Variants in LDB2 observed in about 807,000 individuals in gnomAD.
LDB2 encodes the protein LIM domain-binding protein 2.
LDB2 carries 12 observed loss-of-function variants against 44.3 expected under a neutral mutation model. That is an observed-to-expected ratio of 0.27 (90% CI 0.17 to 0.44). The LOEUF (loss-of-function observed/expected upper bound fraction) is 0.44. LDB2 is among the 20% of genes least tolerant of loss of function. The probability of loss-of-function intolerance (pLI) is 1.00; values close to 1 mark genes in which losing one functional copy is unlikely to be tolerated. For missense variants in LDB2, 344 were observed against 473.5 expected (o/e 0.73, Z 2.54); for synonymous variants, 164 against 174.8 (o/e 0.94, Z 0.49).
intron 1 of LDB2, among the ~76,000 whole-genome samples, chr4:16,885,906 G>T (rs772972082): frequency 1.3e-5 from 2 of 152,096 alleles, no homozygotes; most frequent in Non-Finnish European, 2.9e-5. Context: ...ATCTTCTACC[G>T]CAATGGGAGA....
At position 16,547,022 on chromosome 4, in the gene LDB2, T is replaced by C. The variant is rs573766549; in HGVS notation, c.616-34918A>G. Among the ~76,000 whole-genome samples the C allele has an allele frequency of 1.3e-4, 20 of 152,346 alleles. 1 individual carries two copies. In the South Asian group the frequency reaches 3.3e-3, roughly 25 times the overall value. On this transcript the variant is annotated intron_variant, in intron 5 of 7. Transcript: ENST00000304523. ...ACCCAAGTCCTAACTCTGGAAACTG[T>C]GAGTGAACACTATTTGAAAATAAGG... is the stretch of plus-strand genomic sequence containing the variant.
chr4:16,629,602 A>T (rs1324184896), intron 2 of LDB2, among the ~76,000 whole-genome samples: 1 of 152,074 alleles, frequency 6.6e-6, no homozygotes, highest in Admixed American at 6.6e-5. Context: ...ACAAAAACAG[A>T]AGTAGGCTTC....
At chr4:16,504,124 G>A (rs1453262091) in intron 7 of LDB2, among the ~76,000 whole-genome samples, 5 of 152,148 alleles carry the variant, frequency 3.3e-5, no homozygotes, top group African/African-American at 1.2e-4. Context: ...AGAGGGTGGG[G>A]TTTCCAGTAG....
At chr4:16,679,120 A>C (rs562150389) in intron 2 of LDB2, among the ~76,000 whole-genome samples, 12 of 152,334 alleles carry the variant, frequency 7.9e-5, no homozygotes, top group South Asian at 6.2e-4. Flanking sequence ...AAACGGTGCA[A>C]ATGTAATCTT....
Position 16,738,717 on chromosome 4 carries a change from G to T in LDB2, c.235+20441C>A, listed in dbSNP as rs546948664. 7.9e-5 allele frequency among the ~76,000 whole-genome samples: 12 copies of T among 152,338 alleles called. No individual in the cohort carries two copies. The South Asian group carries it at 2.5e-3, about 32-fold the overall frequency. ...CATGTATTAAGTACAAGGAGACAGA[G>T]AACATTTGGCAAATTAATGAACAAA... On this transcript the variant is annotated intron_variant, in intron 2 of 7. Transcript: ENST00000304523.
chr4:16,707,139 TA>T (rs892956170), intron 2 of LDB2, among the ~76,000 whole-genome samples: 37 of 152,082 alleles, frequency 2.4e-4, no homozygotes, highest in Middle Eastern at 3.4e-3. Context: ...ATGAAAGCCT[TA>T]AAAAAAATTG....
At chr4:16,633,475 C>A (rs1234727739) in intron 2 of LDB2, among the ~76,000 whole-genome samples, 1 of 152,008 alleles carries the variant, frequency 6.6e-6, no homozygotes, top group African/African-American at 2.4e-5. Context: ...CAATAACAGA[C>A]AAACAGAGCC....
chr4:16,519,784 C>G (rs1725287258), intron 5 of LDB2, among the ~76,000 whole-genome samples: 1 of 151,820 alleles, frequency 6.6e-6, no homozygotes, highest in Non-Finnish European at 1.5e-5. Context: ...CTACTTATCT[C>G]TGACAGTTTG....
chr4:16,861,926 C>T (rs1270390810), intron 1 of LDB2, among the ~76,000 whole-genome samples: 1 of 152,196 alleles, frequency 6.6e-6, no homozygotes. Flanking sequence ...ATTAGTGGAA[C>T]TAAATTGACT....
chr4:16,562,308 A>C (rs371373805), intron 5 of LDB2, among the ~76,000 whole-genome samples: 1 of 152,186 alleles, frequency 6.6e-6, no homozygotes, highest in Admixed American at 6.5e-5. Flanking sequence ...GAAAATTTTC[A>C]CAACCTACTC....
At chr4:16,836,631 G>T (rs1369920478) in intron 1 of LDB2, among the ~76,000 whole-genome samples, 2 of 152,104 alleles carry the variant, frequency 1.3e-5, no homozygotes, top group African/African-American at 4.8e-5. Flanking sequence ...TGCTCCCCTT[G>T]TCTAAGATAC....
chr4:16,892,715 G>A (rs562369424), intron 1 of LDB2, among the ~76,000 whole-genome samples: 1 of 152,220 alleles, frequency 6.6e-6, no homozygotes, highest in Non-Finnish European at 1.5e-5. Context: ...CATGAAAAAT[G>A]AGTTAATGTG....
intron 2 of LDB2, among the ~76,000 whole-genome samples, chr4:16,738,823 T>C (rs1426944457): frequency 6.6e-6 from 1 of 152,238 alleles, no homozygotes; most frequent in Non-Finnish European, 1.5e-5. Context: ...AATAAATTCT[T>C]ATCAGGGATT....
At chr4:16,538,908 A>G (rs1017123700) in intron 5 of LDB2, among the ~76,000 whole-genome samples, 1 of 152,238 alleles carries the variant, frequency 6.6e-6, no homozygotes, top group Non-Finnish European at 1.5e-5. Flanking sequence ...GCAAAAACAG[A>G]TGAAATAAGT....
At chr4:16,600,349 G>A (rs1330965199) in intron 2 of LDB2, among the ~76,000 whole-genome samples, 1 of 152,094 alleles carries the variant, frequency 6.6e-6, no homozygotes, top group Non-Finnish European at 1.5e-5. Context: ...AATTTTGTTG[G>A]AGTGAGATTA....
chr4:16,666,516 C>T (rs543640106), intron 2 of LDB2, among the ~76,000 whole-genome samples: 116 of 152,320 alleles, frequency 7.6e-4, no homozygotes, highest in African/African-American at 2.6e-3. Flanking sequence ...GAGCTTCCTG[C>T]CATCTAAACC....
chr4:16,753,629 T>C (rs1264686121), intron 2 of LDB2, among the ~76,000 whole-genome samples: 11 of 152,170 alleles, frequency 7.2e-5, no homozygotes. Flanking sequence ...ACTTTTCTCT[T>C]TTTGGAGAGC....
At chr4:16,704,309 T>A (rs538320195) in intron 2 of LDB2, among the ~76,000 whole-genome samples, 119 of 152,350 alleles carry the variant, frequency 7.8e-4, no homozygotes, top group Middle Eastern at 6.8e-3. Flanking sequence ...AGGGTTATTT[T>A]ATTTCTCTTG....
intron 2 of LDB2, among the ~76,000 whole-genome samples, chr4:16,641,814 A>T (rs2152510778): frequency 6.6e-6 from 1 of 152,274 alleles, no homozygotes; most frequent in Non-Finnish European, 1.5e-5. Context: ...GTACTTGAGA[A>T]GCAAAAAGGA....
Sources: allele counts gnomAD v4.1 joint callset (sites outside exome capture counted in the v4.1 genomes callset), GRCh38; gene constraint gnomAD v4.1.1; transcripts MANE v1.5; gene names NCBI Gene and HGNC (gene_info 2026-07-23, HGNC 2026-07-21).